Variants in IGLON5 observed in about 807,000 individuals in gnomAD.
IGLON5 encodes the protein IgLON family member 5.
A neutral mutation model predicts 38.2 loss-of-function variants in IGLON5; 16 were observed. The ratio of observed to expected loss-of-function variants is 0.42; its 90% CI spans 0.28 to 0.64. The LOEUF is 0.64. Ranked by LOEUF, IGLON5 falls within the 30% of genes least tolerant of loss-of-function variation. The pLI is 0.23. For synonymous variants in IGLON5, 207 were observed against 216.4 expected, an observed-to-expected ratio of 0.96 and a Z score of 0.38; for missense variants, 366 against 483.4, an observed-to-expected ratio of 0.76 and a Z score of 2.28.
At position 51,325,502 on chromosome 19, in the gene IGLON5, C is replaced by G. The variant is rs780030793; in HGVS notation, c.511+37C>G. On this transcript the variant is annotated intron_variant, in intron 4 of 7. Transcript: ENST00000270642. This position sits in a 1 kb window ranked among gnomAD's most constrained non-coding sequence, Gnocchi z 5.5. Reference sequence around the variant, plus strand: ...ATCCCAGGTCAAAAGCCCCGTCCCCCACTGCGCAGTCTGGGCCCCTCCATT... The same window carrying G: ...ATCCCAGGTCAAAAGCCCCGTCCCCGACTGCGCAGTCTGGGCCCCTCCATT... 1 of 1,578,452 alleles carries G rather than the reference C, an allele frequency of 6.3e-7. No homozygotes were observed. The highest frequency in any genetic ancestry group is 8.6e-7 in the Non-Finnish European group (1 of 1,162,070).
At position 51,327,608 on chromosome 19, in the gene IGLON5, G is replaced by A. The variant is rs75480837; in HGVS notation, c.768-124G>A. On this transcript the variant is annotated intron_variant, in intron 6 of 7. Transcript: ENST00000270642. This position sits in a 1 kb window ranked among gnomAD's most constrained non-coding sequence, Gnocchi z 7.1. ...CGAGGTACATGAGGTGCTAGAACCC[G>A]AGGCGATGGGTCACTGGGGTAGGGG... 1.5e-3 allele frequency: 2,039 copies of A among 1,376,714 alleles called. 16 individuals are homozygous for A. The African/African-American group carries it at 0.027, about 18-fold the overall frequency. 85.3% of individuals were successfully genotyped at this position (1,376,714 alleles called of 1,614,324 possible).
chr19:51,325,486 C>G lies in IGLON5; in HGVS notation c.511+21C>G. On this transcript the variant is annotated intron_variant, in intron 4 of 7. Transcript: ENST00000270642. The surrounding 1 kb of genome is among the most constrained non-coding windows in gnomAD (Gnocchi z 5.5). ...CCGAGGTGAGGACCCCATCCCAGGTCAAAAGCCCCGTCCCCCACTGCGCAG... is the reference window on the plus strand; with the variant it reads ...CCGAGGTGAGGACCCCATCCCAGGTGAAAAGCCCCGTCCCCCACTGCGCAG... 1 of 1,599,878 alleles carries G rather than the reference C, an allele frequency of 6.3e-7. No individual in the cohort carries two copies. Among genetic ancestry groups the G allele is most frequent in the Non-Finnish European group, 8.5e-7 (1 of 1,172,984 alleles).
intron 1 of IGLON5, among the ~76,000 whole-genome samples, chr19:51,313,016 G>A (rs1161648539): frequency 1.3e-5 from 2 of 152,160 alleles, no homozygotes; most frequent in African/African-American, 4.8e-5. Flanking sequence ...GAGTTCCAGG[G>A]ACAACCAAGA....
chr19:51,327,905 C>T lies in IGLON5; in HGVS notation c.922+19C>T. The T allele has an allele frequency of 1.8e-6, 1 of 554,562 alleles. No homozygotes were observed. The highest frequency in any genetic ancestry group is 2.6e-5 in the South Asian group (1 of 38,022). 34.4% of individuals were successfully genotyped at this position (554,562 alleles called of 1,614,324 possible). The stretch of plus-strand genomic sequence containing the variant: ...CTCCTGCGTGCGTCTTCGGGCGGGG[C>T]GGGGCCGGGAAGGTGGGCGGGGCCG... On this transcript the variant is annotated intron_variant, in intron 7 of 7. Coordinates refer to ENST00000270642, the MANE Select transcript of IGLON5 (RefSeq NM_001101372.3). This position sits in a 1 kb window ranked among gnomAD's most constrained non-coding sequence, Gnocchi z 7.1.
Position 51,327,159 on chromosome 19 carries a change from G to A in IGLON5, c.726G>A (p.Ala242=). 6.2e-7 allele frequency: 1 copy of A among 1,612,516 alleles called. No individual in the cohort carries two copies. Among genetic ancestry groups the A allele is most frequent in the Non-Finnish European group, 8.5e-7 (1 of 1,179,678 alleles). The part of the protein sequence containing the change: ...RAALLRCEAM[A]VPPADFQWYK... Reference sequence around the variant, plus strand: ...CCCTCCTGCGCTGCGAAGCCATGGCGGTTCCCCCCGCGGATTTCCAGTGGT... The same window carrying A: ...CCCTCCTGCGCTGCGAAGCCATGGCAGTTCCCCCCGCGGATTTCCAGTGGT... The change falls in exon 6 of 8, where the codon GCG becomes GCA. Residue 242 remains alanine, a synonymous_variant. Coordinates refer to ENST00000270642, the MANE Select transcript of IGLON5 (RefSeq NM_001101372.3). This position sits in a 1 kb window ranked among gnomAD's most constrained non-coding sequence, Gnocchi z 7.1.
At chr19:51,318,053 C>T (rs73551976) in intron 1 of IGLON5, among the ~76,000 whole-genome samples, 5,734 of 152,246 alleles carry the variant, frequency 0.038, 404 homozygotes, top group African/African-American at 0.13. Flanking sequence ...CAAGCCATCA[C>T]AAAGCTCCTC....
intron 1 of IGLON5, among the ~76,000 whole-genome samples, chr19:51,313,650 T>TCTTG (rs1984832419): frequency 1.5e-5 from 1 of 64,932 alleles, no homozygotes; most frequent in African/African-American, 9.2e-5. Context: ...TCTCTCTTTT[T>TCTTG]CTTTCTTTCT....
Position 51,327,714 on chromosome 19 carries a change from G to T in IGLON5, c.768-18G>T. On this transcript the variant is annotated intron_variant, in intron 6 of 7. Coordinates refer to ENST00000270642, the MANE Select transcript of IGLON5 (RefSeq NM_001101372.3). This position sits in a 1 kb window ranked among gnomAD's most constrained non-coding sequence, Gnocchi z 7.1. The stretch of plus-strand genomic sequence containing the variant: ...GGCTGGGCGCTGCGGCCCGGCCCCT[G>T]ACCCGGATCCCTGGCAGGCTGAGCA... The T allele has an allele frequency of 6.4e-7, 1 of 1,558,752 alleles. No homozygotes were observed. Among genetic ancestry groups the T allele is most frequent in the South Asian group, 1.2e-5 (1 of 84,858 alleles).
rs1203974036 is a variant in IGLON5, at chr19:51,312,267, T to C, written c.79+341T>C. On this transcript the variant is annotated intron_variant, in intron 1 of 7. Transcript: ENST00000270642. ...CTCCTGTTGAGGAGGGGGCAGACAC[T>C]GGACTCGGGGTCCCCGGGTCGGATC... Among the ~76,000 whole-genome samples the C allele has an allele frequency of 4.8e-5, 7 of 144,794 alleles. No homozygotes were observed. In the East Asian group the frequency reaches 1.2e-3, roughly 26 times the overall value. The allele number at this position is 144,794 out of a possible 152,430, so 95.0% of individuals were successfully genotyped here. A position where few individuals can be genotyped will look rare whatever the true frequency, so the allele number is the denominator to read the frequency against.
chr19:51,318,345 TAGGG>T (rs1318691702), intron 1 of IGLON5, among the ~76,000 whole-genome samples: 5 of 152,238 alleles, frequency 3.3e-5, no homozygotes, highest in Admixed American at 6.5e-5. Context: ...TCTAGTCTGA[TAGGG>T]AGGCCAGATA....
chr19:51,323,243 T>G (rs1985121891), intron 2 of IGLON5, among the ~76,000 whole-genome samples: 1 of 79,490 alleles, frequency 1.3e-5, no homozygotes, highest in South Asian at 3.2e-4. Flanking sequence ...TGGGTCTCTG[T>G]GTCTCTCTCT....
intron 1 of IGLON5, among the ~76,000 whole-genome samples, chr19:51,320,855 G>T (rs568355524): frequency 6.6e-6 from 1 of 152,182 alleles, no homozygotes; most frequent in South Asian, 2.1e-4. Flanking sequence ...GTTAATGTAC[G>T]TGTGCATCTG....
At chr19:51,315,031 A>G (rs974016378) in intron 1 of IGLON5, among the ~76,000 whole-genome samples, 12 of 152,174 alleles carry the variant, frequency 7.9e-5, no homozygotes, top group African/African-American at 2.7e-4. Context: ...TTTCTCTGCA[A>G]TCGGCCTTTT....
At position 51,325,884 on chromosome 19, in the gene IGLON5, G is replaced by A. The variant is rs985516822; in HGVS notation, c.511+419G>A. ...ACGCTCTAGCCCAGCGGGCCTCATGGTGTGGGCCCCAGACCCGAAGCATCA... is the reference window on the plus strand; with the variant it reads ...ACGCTCTAGCCCAGCGGGCCTCATGATGTGGGCCCCAGACCCGAAGCATCA... On this transcript the variant is annotated intron_variant, in intron 4 of 7. Coordinates refer to ENST00000270642, the MANE Select transcript of IGLON5 (RefSeq NM_001101372.3). The surrounding 1 kb of genome is among the most constrained non-coding windows in gnomAD (Gnocchi z 5.5). 6.6e-5 allele frequency among the ~76,000 whole-genome samples: 10 copies of A among 152,062 alleles called. No individual in the cohort carries two copies. The highest frequency in any genetic ancestry group is 2.2e-4 in the African/African-American group (9 of 41,392).
chr19:51,319,040 G>A (rs1209405598), intron 1 of IGLON5, among the ~76,000 whole-genome samples: 1 of 152,216 alleles, frequency 6.6e-6, no homozygotes, highest in Admixed American at 6.5e-5. Context: ...AGACGCTGCC[G>A]ACCTCCTATG....
chr19:51,314,187 A>ATTTT (rs34052497), intron 1 of IGLON5, among the ~76,000 whole-genome samples: 6 of 131,076 alleles, frequency 4.6e-5, no homozygotes, highest in South Asian at 2.5e-4. Context: ...CACATTCACT[A>ATTTT]TTTTTTTTTT....
chr19:51,321,125 C>A (rs557479341), intron 1 of IGLON5, among the ~76,000 whole-genome samples: 1 of 151,850 alleles, frequency 6.6e-6, no homozygotes, highest in East Asian at 1.9e-4. Context: ...TGCGTGTAGA[C>A]CATGTGTGGA....
At chr19:51,326,569 TC>T (rs920207412) in intron 4 of IGLON5, among the ~76,000 whole-genome samples, 194 bp from the exon 5 acceptor site, 31 of 151,346 alleles carry the variant, frequency 2.0e-4, no homozygotes, top group Non-Finnish European at 3.1e-4. Context: ...CAGACCTCAC[TC>T]CTTCCCCCAC....
Position 51,328,661 on chromosome 19 carries a change from C to CT in IGLON5, c.923-8dup. On this transcript the variant is annotated splice_polypyrimidine_tract_variant and intron_variant, in intron 7 of 7. Transcript: ENST00000270642. Reference sequence around the variant, plus strand: ...CAGGCCTCCCTCCATGACCCCTTCTCTTCCCCCAGGCCCAGGATCCCTGGA... The same window carrying CT: ...CAGGCCTCCCTCCATGACCCCTTCTCTTTCCCCCAGGCCCAGGATCCCTGGA... 2.6e-6 allele frequency: 4 copies of CT among 1,552,972 alleles called. No homozygotes were observed. Among genetic ancestry groups the CT allele is most frequent in the Middle Eastern group, 1.7e-4 (1 of 5,892 alleles).
Sources: allele counts gnomAD v4.1 joint callset (sites outside exome capture counted in the v4.1 genomes callset), GRCh38; gene constraint gnomAD v4.1.1; non-coding constraint Gnocchi (gnomAD v3.1); transcripts MANE v1.5; gene names NCBI Gene and HGNC (gene_info 2026-07-23, HGNC 2026-07-21).